FSTL4: variants seen among roughly 807,000 people sequenced by gnomAD.
FSTL4 encodes follistatin like 4, also known as follistatin-related protein 4.
Under a neutral mutation model 78.2 loss-of-function variants are expected in FSTL4, and 28 were observed. The ratio of observed to expected loss-of-function variants is 0.36; its 90% CI spans 0.27 to 0.49. The LOEUF is 0.49. Among genes scored for constraint, FSTL4 ranks in the 20% least tolerant of loss-of-function variants. The pLI, the probability that FSTL4 is intolerant of heterozygous loss-of-function variation, is 0.98. For synonymous variants in FSTL4, 422 were observed against 440.5 expected, an observed-to-expected ratio of 0.96 and a Z score of 0.53; for missense variants, 922 against 1,084.9, an observed-to-expected ratio of 0.85 and a Z score of 2.11.
chr5:133,385,888 G>A (rs1440849784), intron 4 of FSTL4, among the ~76,000 whole-genome samples: 1 of 152,146 alleles, frequency 6.6e-6, no homozygotes, highest in Non-Finnish European at 1.5e-5. Context: ...TGAGAGTGCA[G>A]GCACAATCTG....
chr5:133,515,236 G>A (rs1340164699), intron 3 of FSTL4, among the ~76,000 whole-genome samples: 1 of 152,026 alleles, frequency 6.6e-6, no homozygotes, highest in African/African-American at 2.4e-5. Context: ...AAACTAAGAA[G>A]TGGTACAGGG....
intron 6 of FSTL4, chr5:133,256,548 G>A (rs1167190311): frequency 6.6e-6 from 1 of 152,288 alleles, no homozygotes; most frequent in East Asian, 1.9e-4. Flanking sequence ...TGGGAGGGAT[G>A]GTGTGCTTTT....
chr5:133,667,275 A>T, the FSTL4 span, among the ~76,000 whole-genome samples: 1 of 152,242 alleles, frequency 6.6e-6, no homozygotes, highest in East Asian at 1.9e-4. Context: ...ACCAGTTGTT[A>T]TCACTTCCAC....
chr5:133,615,567 T>C (rs114413526), upstream of FSTL4, among the ~76,000 whole-genome samples: 833 of 152,364 alleles, frequency 5.5e-3, 3 homozygotes, highest in Non-Finnish European at 8.7e-3. Context: ...TAAAGGTCTA[T>C]GCCTTTATTT....
the FSTL4 span, among the ~76,000 whole-genome samples, chr5:133,694,159 G>T: frequency 2.6e-5 from 4 of 152,278 alleles, no homozygotes; most frequent in African/African-American, 9.6e-5. Context: ...GCCATGAAAA[G>T]CATCAACTGA....
chr5:133,731,730 A>T, the FSTL4 span, among the ~76,000 whole-genome samples: 2 of 152,126 alleles, frequency 1.3e-5, no homozygotes, highest in East Asian at 3.9e-4. Flanking sequence ...CGGCAGTGGG[A>T]TGCCTACTGA....
At chr5:133,748,757 C>G in the FSTL4 span, among the ~76,000 whole-genome samples, 1 of 152,172 alleles carries the variant, frequency 6.6e-6, no homozygotes, top group East Asian at 1.9e-4. Flanking sequence ...CACTCCACAT[C>G]GTGACTTGAC....
chr5:133,346,080 A>G (rs1754692548), intron 4 of FSTL4, among the ~76,000 whole-genome samples: 1 of 152,230 alleles, frequency 6.6e-6, no homozygotes, highest in African/African-American at 2.4e-5. Flanking sequence ...GAATGAGTTC[A>G]TGTCCTTTGC....
chr5:133,699,420 T>C, the FSTL4 span, among the ~76,000 whole-genome samples: 2 of 152,090 alleles, frequency 1.3e-5, no homozygotes, highest in Admixed American at 6.5e-5. Flanking sequence ...GAGTACTTAC[T>C]ACACACCGAG....
chr5:133,779,354 A>G, the FSTL4 span, among the ~76,000 whole-genome samples: 5 of 152,220 alleles, frequency 3.3e-5, no homozygotes. Context: ...TGGGAAGCCA[A>G]GGCGGGTGGA....
the FSTL4 span, among the ~76,000 whole-genome samples, chr5:133,692,882 G>T: frequency 1.3e-5 from 2 of 152,224 alleles, no homozygotes; most frequent in Non-Finnish European, 2.9e-5. Context: ...CATTAGGTCA[G>T]GTCCACTGCC....
At chr5:133,344,096 A>T (rs1009070141) in intron 4 of FSTL4, among the ~76,000 whole-genome samples, 4 of 152,212 alleles carry the variant, frequency 2.6e-5, no homozygotes, top group African/African-American at 9.7e-5. Flanking sequence ...CAGAAAAGGC[A>T]GTGAATTCTT....
the FSTL4 span, among the ~76,000 whole-genome samples, chr5:133,744,157 G>A: frequency 1.5e-4 from 23 of 152,182 alleles, no homozygotes; most frequent in Non-Finnish European, 2.5e-4. Context: ...TGGGAGGAGG[G>A]AGGGGAGTCA....
intron 4 of FSTL4, among the ~76,000 whole-genome samples, chr5:133,328,773 T>A (rs1754274177): frequency 6.6e-6 from 1 of 152,100 alleles, no homozygotes; most frequent in Non-Finnish European, 1.5e-5. Flanking sequence ...GGCAGGGAAG[T>A]CGGAGGGGAT....
chr5:133,388,432 G>C (rs1160185483), intron 4 of FSTL4: 2 of 151,380 alleles, frequency 1.3e-5, no homozygotes, highest in Non-Finnish European at 3.0e-5. Flanking sequence ...TAATATCGCA[G>C]AAAAGTCCAA....
At chr5:133,321,254 A>G (rs1360034534) in intron 4 of FSTL4, among the ~76,000 whole-genome samples, 2 of 152,002 alleles carry the variant, frequency 1.3e-5, no homozygotes, top group East Asian at 1.9e-4. Flanking sequence ...TATTCACCCA[A>G]ATCTCCACCT....
the FSTL4 span, among the ~76,000 whole-genome samples, chr5:133,680,845 C>A: frequency 6.6e-6 from 1 of 152,232 alleles, no homozygotes; most frequent in East Asian, 1.9e-4. Flanking sequence ...AATGACTTCA[C>A]GTGTGTTCAT....
chr5:133,292,398 C>T (rs565417456), intron 6 of FSTL4, among the ~76,000 whole-genome samples: 1 of 152,218 alleles, frequency 6.6e-6, no homozygotes, highest in Non-Finnish European at 1.5e-5. Flanking sequence ...CCTCTACATG[C>T]TACCTCCCAA....
intron 2 of FSTL4, among the ~76,000 whole-genome samples, chr5:133,576,179 T>C (rs1056628566): frequency 1.3e-5 from 2 of 152,208 alleles, no homozygotes; most frequent in African/African-American, 4.8e-5. Flanking sequence ...AAAAAACAGT[T>C]TGAAGGCTGC....
Sources: allele counts gnomAD v4.1 joint callset (sites outside exome capture counted in the v4.1 genomes callset), GRCh38; gene constraint gnomAD v4.1.1; transcripts MANE v1.5; gene names NCBI Gene and HGNC (gene_info 2026-07-23, HGNC 2026-07-21).